Variants in FSTL4 observed in about 807,000 individuals in gnomAD.
FSTL4 encodes follistatin-related protein 4.
FSTL4 carries 28 observed loss-of-function variants against 78.2 expected under a neutral mutation model. The observed-to-expected ratio is 0.36, with a 90% CI of 0.27 to 0.49. The LOEUF is 0.49. Ranked by LOEUF, FSTL4 falls within the 20% of genes least tolerant of loss-of-function variation. FSTL4 has a pLI of 0.98. For synonymous variants in FSTL4, 422 were observed against 440.5 expected, an observed-to-expected ratio of 0.96 and a Z score of 0.53; for missense variants, 922 against 1,084.9, an observed-to-expected ratio of 0.85 and a Z score of 2.11.
At chr5:133,407,643 G>A (rs561500893) in intron 3 of FSTL4, among the ~76,000 whole-genome samples, 3 of 152,202 alleles carry the variant, frequency 2.0e-5, no homozygotes, top group Admixed American at 1.3e-4. Flanking sequence ...CCTTTCATCT[G>A]TCAGGAGGCC....
chr5:133,740,397 T>C, the FSTL4 span, among the ~76,000 whole-genome samples: 11 of 152,140 alleles, frequency 7.2e-5, no homozygotes, highest in African/African-American at 2.7e-4. Context: ...ATCTTGATAT[T>C]AAAATACATA....
rs1010347439 is a variant in FSTL4, at chr5:133,428,605, C to T, written c.161-27619G>A. 7.2e-5 allele frequency among the ~76,000 whole-genome samples: 11 copies of T among 152,300 alleles called. No homozygotes were observed. In the South Asian group the frequency reaches 1.4e-3, roughly 20 times the overall value. On this transcript the variant is annotated intron_variant, in intron 3 of 15. Coordinates refer to ENST00000265342, the MANE Select transcript of FSTL4 (RefSeq NM_015082.2). ...TCAGCATGGCAGCAGCTGCAGAGAC[C>T]GAGGCCCTGAGCACCAAGTGGTCAC...
At chr5:133,828,325 G>T in the FSTL4 span, among the ~76,000 whole-genome samples, 2 of 152,148 alleles carry the variant, frequency 1.3e-5, no homozygotes, top group Non-Finnish European at 2.9e-5. Flanking sequence ...GTGCCTAGTG[G>T]ATCCTAAAGT....
At chr5:133,322,552 G>A (rs1288938312) in intron 4 of FSTL4, among the ~76,000 whole-genome samples, 1 of 152,198 alleles carries the variant, frequency 6.6e-6, no homozygotes. Flanking sequence ...TCATGAGTGG[G>A]TTGCCGCCGT....
chr5:133,619,067 G>A, the FSTL4 span, among the ~76,000 whole-genome samples: 1 of 152,184 alleles, frequency 6.6e-6, no homozygotes, highest in African/African-American at 2.4e-5. Context: ...CATGGTCTAA[G>A]CCAATCATGA....
rs1464757042 is a variant in FSTL4, at chr5:133,583,361, T to C, written c.127-16142A>G. The C allele has an allele frequency of 1.5e-5, 4 of 269,584 alleles. 1 individual carries two copies. The highest frequency in any genetic ancestry group is 3.0e-5 in the Non-Finnish European group (4 of 133,388). 16.7% of individuals were successfully genotyped at this position (269,584 alleles called of 1,614,324 possible). ...CAGCGTGAGCGACGCAGAAGACGGG[T>C]GATTTCTGCATTTCCATCTGAGGTA... On this transcript the variant is annotated intron_variant, in intron 2 of 15. Transcript: ENST00000265342.
intron 4 of FSTL4, among the ~76,000 whole-genome samples, chr5:133,372,913 A>G (rs1755346832): frequency 6.6e-6 from 1 of 152,192 alleles, no homozygotes; most frequent in African/African-American, 2.4e-5. Flanking sequence ...CTGCTTTCTC[A>G]GCAGCTCCCA....
the FSTL4 span, among the ~76,000 whole-genome samples, chr5:133,819,916 G>T: frequency 6.6e-6 from 1 of 152,146 alleles, no homozygotes; most frequent in Non-Finnish European, 1.5e-5. Flanking sequence ...CCTCACAGCA[G>T]CCCCATCGGG....
intron 3 of FSTL4, among the ~76,000 whole-genome samples, chr5:133,514,342 A>T (rs1758809921): frequency 6.6e-6 from 1 of 151,986 alleles, no homozygotes; most frequent in Non-Finnish European, 1.5e-5. Context: ...AGGAAATGAG[A>T]AGTGAGGTGA....
At chr5:133,293,860 G>A (rs1753324112) in intron 6 of FSTL4, among the ~76,000 whole-genome samples, 1 of 152,180 alleles carries the variant, frequency 6.6e-6, no homozygotes. Context: ...TGGGGGTTGT[G>A]TGTGATTGCA....
At chr5:133,629,370 C>T in the FSTL4 span, among the ~76,000 whole-genome samples, 22 of 152,170 alleles carry the variant, frequency 1.4e-4, no homozygotes, top group Admixed American at 6.6e-5. Flanking sequence ...ATAAACACCT[C>T]TATGTAAATA....
At chr5:133,625,088 T>C in the FSTL4 span, among the ~76,000 whole-genome samples, 1 of 151,856 alleles carries the variant, frequency 6.6e-6, no homozygotes, top group Admixed American at 6.6e-5. Flanking sequence ...AATGTTTTTT[T>C]TGTAGTGTTT....
At chr5:133,366,099 C>G (rs902038775) in intron 4 of FSTL4, among the ~76,000 whole-genome samples, 2 of 152,250 alleles carry the variant, frequency 1.3e-5, no homozygotes, top group Admixed American at 1.3e-4. Context: ...CACCCTCTCA[C>G]TTTTGATGCT....
chr5:133,390,817 C>T (rs1755830619), intron 4 of FSTL4, among the ~76,000 whole-genome samples: 1 of 152,212 alleles, frequency 6.6e-6, no homozygotes. Context: ...AGTGCTCCTC[C>T]CTCTCTTTGG....
chr5:133,364,484 A>G (rs1755137301), intron 4 of FSTL4, among the ~76,000 whole-genome samples: 1 of 152,196 alleles, frequency 6.6e-6, no homozygotes, highest in African/African-American at 2.4e-5. Context: ...CCCTGATTCA[A>G]GGTCCTATGA....
intron 3 of FSTL4, among the ~76,000 whole-genome samples, chr5:133,439,798 T>C (rs911361944): frequency 1.3e-5 from 2 of 152,210 alleles, no homozygotes; most frequent in African/African-American, 4.8e-5. Context: ...TGGGAAGGCT[T>C]TGCCGAAGGG....
chr5:133,404,934 C>T (rs1756322479), intron 3 of FSTL4, among the ~76,000 whole-genome samples: 1 of 152,220 alleles, frequency 6.6e-6, no homozygotes, highest in Non-Finnish European at 1.5e-5. Context: ...GCTCCCTTCT[C>T]AGGGACAGTG....
At chr5:133,450,950 G>A (rs1757372956) in intron 3 of FSTL4, among the ~76,000 whole-genome samples, 1 of 152,160 alleles carries the variant, frequency 6.6e-6, no homozygotes, top group Non-Finnish European at 1.5e-5. Flanking sequence ...TCACCCTGGA[G>A]GGGGAATGGG....
At chr5:133,820,322 T>G in the FSTL4 span, among the ~76,000 whole-genome samples, 1 of 152,210 alleles carries the variant, frequency 6.6e-6, no homozygotes, top group Non-Finnish European at 1.5e-5. Context: ...AGAAGGAACT[T>G]CAAGGCAAAT....
Sources: gnomAD v4.1 joint callset for allele counts (sites outside exome capture counted in the v4.1 genomes callset) on GRCh38, gnomAD v4.1.1 for gene constraint, MANE v1.5 for transcripts, NCBI Gene and HGNC (gene_info 2026-07-23, HGNC 2026-07-21) for gene names.